ADAMTSL1: variants seen among roughly 807,000 people sequenced by gnomAD.
The protein encoded by ADAMTSL1 is ADAMTS-like protein 1.
A neutral mutation model predicts 201.8 loss-of-function variants in ADAMTSL1; 126 were observed. The observed-to-expected ratio is 0.62, with a 90% CI of 0.54 to 0.72. ADAMTSL1 has a LOEUF of 0.72. ADAMTSL1 is among the 30% of genes least tolerant of loss of function. ADAMTSL1 has a pLI of 0.00. For synonymous variants in ADAMTSL1, 1,121 were observed against 903.4 expected (o/e 1.24, Z -4.32); for missense variants, 2,679 against 2,277.8 (o/e 1.18, Z -3.59).
chr9:18,880,044 A>G (rs1338129809), intron 23 of ADAMTSL1, among the ~76,000 whole-genome samples: 1 of 152,218 alleles, frequency 6.6e-6, no homozygotes, highest in Non-Finnish European at 1.5e-5. Flanking sequence ...GCAACTCCTC[A>G]TCCATTCAAG....
chr9:18,517,295 G>C (rs920242178), intron 2 of ADAMTSL1, among the ~76,000 whole-genome samples: 2 of 151,844 alleles, frequency 1.3e-5, no homozygotes, highest in Non-Finnish European at 2.9e-5. Context: ...GCATTGCAAG[G>C]ACAAACACAA....
Position 18,267,347 on chromosome 9 carries a change from A to G in ADAMTSL1, c.207+103366A>G, listed in dbSNP as rs565610037. ...GTAGCATTTTGAGCTTTTATCTTTT[A>G]TAGTTCTTACAGGTGAGAGAGCTGG... On this transcript the variant is annotated intron_variant, in intron 2 of 29. Coordinates refer to the ADAMTSL1 transcript ENST00000680146. 5.5e-4 allele frequency among the ~76,000 whole-genome samples: 83 copies of G among 152,254 alleles called. 1 individual carries two copies. In the South Asian group the frequency reaches 0.015, roughly 28 times the overall value.
chr9:18,174,053 T>A (rs1828027014), intron 2 of ADAMTSL1, among the ~76,000 whole-genome samples: 1 of 152,170 alleles, frequency 6.6e-6, no homozygotes, highest in African/African-American at 2.4e-5. Flanking sequence ...GAGATGGATA[T>A]TTGCTGCTTA....
intron 7 of ADAMTSL1, among the ~76,000 whole-genome samples, chr9:18,650,973 T>A (rs1587802324): frequency 6.6e-6 from 1 of 152,212 alleles, no homozygotes; most frequent in Non-Finnish European, 1.5e-5. Context: ...AGTGGATAGA[T>A]CCAAATTACT....
At chr9:18,890,902 T>C (rs894534788) in intron 25 of ADAMTSL1, 3 of 254,568 alleles carry the variant, frequency 1.2e-5, no homozygotes, top group African/African-American at 6.9e-5. Flanking sequence ...GATTTGGTGA[T>C]GGTCAGAGTC....
intron 2 of ADAMTSL1, among the ~76,000 whole-genome samples, chr9:18,339,800 A>G (rs1266411228): frequency 6.6e-6 from 1 of 152,038 alleles, no homozygotes; most frequent in African/African-American, 2.4e-5. Flanking sequence ...TCCTACCAGC[A>G]TTTAAATGTC....
chr9:18,793,995 TCA>T (rs1157835347), intron 19 of ADAMTSL1, among the ~76,000 whole-genome samples: 1 of 151,748 alleles, frequency 6.6e-6, no homozygotes, highest in Non-Finnish European at 1.5e-5. Flanking sequence ...CTGTAGGCAC[TCA>T]CAGTTTGATT....
intron 2 of ADAMTSL1, among the ~76,000 whole-genome samples, chr9:18,517,834 C>A (rs1238643157): frequency 1.3e-5 from 2 of 152,082 alleles, no homozygotes; most frequent in African/African-American, 4.8e-5. Context: ...CAAGTCTTTG[C>A]TATTGTGAAT....
intron 2 of ADAMTSL1, among the ~76,000 whole-genome samples, chr9:18,353,855 C>T (rs760524546): frequency 2.0e-5 from 3 of 151,928 alleles, no homozygotes; most frequent in African/African-American, 4.8e-5. Context: ...CTTCTGATTA[C>T]AAAAGTAATA....
intron 9 of ADAMTSL1, among the ~76,000 whole-genome samples, chr9:18,671,863 C>T (rs1284523143): frequency 1.3e-5 from 2 of 151,994 alleles, no homozygotes; most frequent in African/African-American, 4.8e-5. Flanking sequence ...AGGTGAAACC[C>T]CATCTCTACT....
At chr9:18,174,105 T>G (rs1268150107) in intron 2 of ADAMTSL1, among the ~76,000 whole-genome samples, 2 of 152,158 alleles carry the variant, frequency 1.3e-5, no homozygotes, top group Non-Finnish European at 2.9e-5. Flanking sequence ...AAGACTTATA[T>G]TATACCTCAG....
chr9:18,427,932 C>A lies in ADAMTSL1; in HGVS notation c.208-76897C>A, dbSNP rs145469620. Among the ~76,000 whole-genome samples the A allele has an allele frequency of 1.9e-3, 288 of 152,324 alleles. 2 individuals are homozygous for A. The highest frequency in any genetic ancestry group is 6.5e-3 in the African/African-American group (272 of 41,576). On this transcript the variant is annotated intron_variant, in intron 2 of 29. Transcript: ENST00000680146. ...CTTGGTAAAGAGTAAAATGCCTCTT[C>A]CTTCTTCTGTGCCTAGTCCAGATCT... is the stretch of plus-strand genomic sequence containing the variant.
intron 2 of ADAMTSL1, among the ~76,000 whole-genome samples, chr9:18,290,791 T>C (rs111791265): frequency 7.3e-6 from 1 of 137,452 alleles, no homozygotes; most frequent in Non-Finnish European, 1.7e-5. Flanking sequence ...GTTTTTTTTT[T>C]TTTTTTTTGA....
rs190416436 is a variant in ADAMTSL1 at position 18,559,477 on chromosome 9, C to T, written c.238-14553C>T. The stretch of plus-strand genomic sequence containing the variant: ...CTTTGTTCTTTTTGCTTAGAATTTT[C>T]TTGGCTATATGAGCTCTTTTTTGGT... On this transcript the variant is annotated intron_variant, in intron 3 of 28. Transcript: ENST00000380548. Among the ~76,000 whole-genome samples the T allele has an allele frequency of 3.0e-3, 451 of 152,170 alleles. 4 individuals carry two copies. The highest frequency in any genetic ancestry group is 0.01 in the African/African-American group (431 of 41,520).
intron 1 of ADAMTSL1, among the ~76,000 whole-genome samples, chr9:18,113,360 A>G (rs1230166903): frequency 6.6e-6 from 1 of 152,078 alleles, no homozygotes; most frequent in East Asian, 1.9e-4. Flanking sequence ...GGGAGGTTAG[A>G]TGGGATTGGG....
At chr9:18,807,731 T>C (rs1823255088) in intron 20 of ADAMTSL1, among the ~76,000 whole-genome samples, 1 of 152,110 alleles carries the variant, frequency 6.6e-6, no homozygotes, top group Admixed American at 6.5e-5. Flanking sequence ...TCAGTAATGC[T>C]GACTTAGCTC....
At chr9:18,776,619 A>T (rs1048295594) in intron 18 of ADAMTSL1, among the ~76,000 whole-genome samples, 162 bp from the exon 19 acceptor site, 1 of 152,006 alleles carries the variant, frequency 6.6e-6, no homozygotes, top group African/African-American at 2.4e-5. Flanking sequence ...GCCAAAATAA[A>T]CCCCGAAGAA....
intron 1 of ADAMTSL1, among the ~76,000 whole-genome samples, chr9:17,937,784 A>G (rs940123620): frequency 3.3e-5 from 5 of 152,202 alleles, no homozygotes; most frequent in Non-Finnish European, 7.3e-5. Flanking sequence ...ACATACAACT[A>G]GAAATTAGGA....
intron 1 of ADAMTSL1, among the ~76,000 whole-genome samples, chr9:18,061,367 G>T (rs905255364): frequency 1.3e-5 from 2 of 152,106 alleles, no homozygotes; most frequent in African/African-American, 4.8e-5. Context: ...TACTCATGTA[G>T]TATTTCTTTG....
Sources: allele counts gnomAD v4.1 joint callset (sites outside exome capture counted in the v4.1 genomes callset), GRCh38; gene constraint gnomAD v4.1.1; transcripts MANE v1.5; gene names NCBI Gene and HGNC (gene_info 2026-07-23, HGNC 2026-07-21).